ADCY3: variants seen among roughly 807,000 people sequenced by gnomAD.
ADCY3 encodes the protein adenylate cyclase 3, also known as adenylate cyclase type 3.
In ADCY3, 70 loss-of-function variants were observed where a neutral mutation model predicts 119.4. That is an observed-to-expected ratio of 0.59 (90% CI 0.48 to 0.72). The LOEUF (loss-of-function observed/expected upper bound fraction) is 0.72, where lower values mean the gene tolerates loss of function less well. Among genes scored for constraint, ADCY3 ranks in the 30% least tolerant of loss-of-function variants. The pLI is 0.00. For missense variants in ADCY3, 1,238 were observed against 1,541.6 expected, an observed-to-expected ratio of 0.80 and a Z score of 3.30; for synonymous variants, 672 against 621.4, an observed-to-expected ratio of 1.08 and a Z score of -1.21.
intron 2 of ADCY3, among the ~76,000 whole-genome samples, chr2:24,901,383 C>T (rs1031223784): frequency 1.3e-5 from 2 of 152,100 alleles, no homozygotes; most frequent in Non-Finnish European, 2.9e-5. Context: ...TTAAATATAA[C>T]CTACACAGAT....
At chr2:24,839,513 A>AT (rs1670745287) in intron 7 of ADCY3, among the ~76,000 whole-genome samples, 2 of 152,196 alleles carry the variant, frequency 1.3e-5, no homozygotes, top group African/African-American at 4.8e-5. Flanking sequence ...ATGACTGCTC[A>AT]TTACTCTCCC....
At chr2:24,856,554 A>T (rs1007652643) in intron 3 of ADCY3, among the ~76,000 whole-genome samples, 4 of 152,160 alleles carry the variant, frequency 2.6e-5, no homozygotes, top group Admixed American at 2.6e-4. Context: ...GAATGGAGAG[A>T]AGGACCAGGC....
At chr2:24,822,167 GGCTGCCGTCA>G (rs1206661148) in intron 19 of ADCY3, 1 of 216,212 alleles carries the variant, frequency 4.6e-6, no homozygotes, top group Non-Finnish European at 9.2e-6. Flanking sequence ...CAAAAGAACA[GGCTGCCGTCA>G]GCCAGAGTTC....
chr2:24,911,070 C>A (rs957595023), intron 2 of ADCY3, among the ~76,000 whole-genome samples: 3 of 152,080 alleles, frequency 2.0e-5, no homozygotes, highest in Non-Finnish European at 4.4e-5. Flanking sequence ...ACACTCAACA[C>A]CCCAGACATC....
chr2:24,822,232 G>A lies in ADCY3; in HGVS notation c.3003+279C>T, dbSNP rs921193195. 4 of 301,908 alleles carry A rather than the reference G, an allele frequency of 1.3e-5. No individual in the cohort carries two copies. The Admixed American group carries it at 1.8e-4, about 14-fold the overall frequency. The allele number at this position is 301,908 out of a possible 1,614,324, so 18.7% of individuals were successfully genotyped here. ...TTCCCTTGTTGACAATTGCTCTCCA[G>A]TTCCTATGAAAGCACAGAGCCTTAG... is the stretch of plus-strand genomic sequence containing the variant. On this transcript the variant is annotated intron_variant, in intron 19 of 21. Transcript: ENST00000679454.
At chr2:24,833,849 A>T (rs575837618) in intron 11 of ADCY3, among the ~76,000 whole-genome samples, 5 of 152,344 alleles carry the variant, frequency 3.3e-5, no homozygotes, top group Non-Finnish European at 7.3e-5. Context: ...ACACACCCGC[A>T]ACCTTAGATA....
intron 2 of ADCY3, among the ~76,000 whole-genome samples, chr2:24,885,170 G>A (rs115007725): frequency 3.0e-3 from 461 of 152,242 alleles, no homozygotes; most frequent in Admixed American, 4.5e-3. Flanking sequence ...CTGTCTTGAT[G>A]AGCACCACCT....
At chr2:24,843,477 C>T (rs933228723) in intron 3 of ADCY3, among the ~76,000 whole-genome samples, 3 of 152,198 alleles carry the variant, frequency 2.0e-5, no homozygotes, top group Middle Eastern at 3.2e-3. Flanking sequence ...AAATCATCCT[C>T]TGTTTTCATA....
At chr2:24,832,853 C>T (rs1301112327) in intron 11 of ADCY3, among the ~76,000 whole-genome samples, 3 of 152,138 alleles carry the variant, frequency 2.0e-5, no homozygotes, top group Non-Finnish European at 2.9e-5. Context: ...TGATCTTTGC[C>T]TCTCCACTCT....
rs1022574413 is a variant in ADCY3 at position 24,875,649 on chromosome 2, C to T, written c.676-2930G>A. ...CAGCAGTGCTCCCAGGCAACACTGA[C>T]GTGCAGCCTGGGTGGGGAGTCCCCC... On this transcript the variant is annotated intron_variant, in intron 2 of 21. Transcript: ENST00000679454. Among the ~76,000 whole-genome samples, 4 of 152,212 alleles carry T rather than the reference C, an allele frequency of 2.6e-5. No individual in the cohort carries two copies. In the East Asian group the frequency reaches 5.8e-4, roughly 22 times the overall value.
intron 3 of ADCY3, among the ~76,000 whole-genome samples, chr2:24,843,695 TG>T (rs1671323301): frequency 6.6e-6 from 1 of 150,992 alleles, no homozygotes; most frequent in African/African-American, 2.4e-5. Context: ...GCGGCAGATA[TG>T]AGGGCAAAGA....
At chr2:24,909,610 T>C (rs943521833) in intron 2 of ADCY3, among the ~76,000 whole-genome samples, 4 of 152,226 alleles carry the variant, frequency 2.6e-5, no homozygotes, top group African/African-American at 9.6e-5. Flanking sequence ...TTAGAAATGA[T>C]GTATTGGATC....
rs187722955 is a variant in ADCY3, at chr2:24,840,885, C to T, written c.1196+374G>A. On this transcript the variant is annotated intron_variant, in intron 6 of 21. Coordinates refer to ENST00000679454, the MANE Select transcript of ADCY3 (RefSeq NM_004036.5). Reference sequence around the variant, plus strand: ...CACGAGATGGAGAGGGCAGTGCCTTCGGGGGTCACGGTGAGAAAACACTGA... The same window carrying T: ...CACGAGATGGAGAGGGCAGTGCCTTTGGGGGTCACGGTGAGAAAACACTGA... 3.2e-3 allele frequency among the ~76,000 whole-genome samples: 494 copies of T among 152,310 alleles called. 5 individuals are homozygous for T. Among genetic ancestry groups the T allele is most frequent in the African/African-American group, 0.011 (437 of 41,558 alleles).
rs776731726 is a variant in ADCY3 at position 24,918,361 on chromosome 2, C to T, written c.627G>A (p.Val209=). 3.1e-6 allele frequency: 5 copies of T among 1,602,074 alleles called. No homozygotes were observed. The highest frequency in any genetic ancestry group is 2.2e-5 in the East Asian group (1 of 44,690). The change falls in exon 2 of 22, where the codon GTG becomes GTA. Residue 209 remains valine, a synonymous_variant. Coordinates refer to ENST00000679454, the MANE Select transcript of ADCY3 (RefSeq NM_004036.5). This position sits in a 1 kb window ranked among gnomAD's most constrained non-coding sequence, Gnocchi z 5.4. ...TGAGCTCCTCCTGCTGCTGCTGGGCCACGGTGACCCCCAGGACCAACGTGT... is the reference window on the plus strand; with the variant it reads ...TGAGCTCCTCCTGCTGCTGCTGGGCTACGGTGACCCCCAGGACCAACGTGT... ...VVHTLVLGVT[V]AQQQQEELKG...
At chr2:24,830,197 T>C (rs145484204) in intron 13 of ADCY3, among the ~76,000 whole-genome samples, 8,463 of 151,350 alleles carry the variant, frequency 0.056, 478 homozygotes, top group Non-Finnish European at 0.081. Flanking sequence ...TGCACCACCA[T>C]GCCTGGCTAA....
At chr2:24,874,350 G>C (rs947771591) in intron 2 of ADCY3, among the ~76,000 whole-genome samples, 7 of 152,190 alleles carry the variant, frequency 4.6e-5, no homozygotes, top group Admixed American at 1.3e-4. Context: ...CCCGTTTGTG[G>C]GGCAAGTCTG....
At chr2:24,883,215 G>A (rs1453588521) in intron 2 of ADCY3, among the ~76,000 whole-genome samples, 2 of 152,014 alleles carry the variant, frequency 1.3e-5, no homozygotes, top group Non-Finnish European at 2.9e-5. Flanking sequence ...GGGCATGGTG[G>A]CGGGCACCTG....
intron 18 of ADCY3, 85 bp from the exon 19 acceptor site, chr2:24,822,715 G>C: frequency 6.5e-7 from 1 of 1,549,162 alleles, no homozygotes. Context: ...TGTTTACAAG[G>C]ACCCCACTAA....
intron 3 of ADCY3, among the ~76,000 whole-genome samples, chr2:24,869,323 C>G (rs915624729): frequency 3.3e-5 from 5 of 152,090 alleles, no homozygotes; most frequent in Non-Finnish European, 5.9e-5. Context: ...TCTGAACAAC[C>G]TTATTATCTA....
Sources: gnomAD v4.1 joint callset for allele counts (sites outside exome capture counted in the v4.1 genomes callset) on GRCh38, gnomAD v4.1.1 for gene constraint, Gnocchi (gnomAD v3.1) non-coding constraint, MANE v1.5 for transcripts, NCBI Gene and HGNC (gene_info 2026-07-23, HGNC 2026-07-21) for gene names.